The following KIAA1549 variants were observed in gnomAD, a reference collection of about 807,000 sequenced individuals.
KIAA1549 encodes UPF0606 protein KIAA1549.
KIAA1549 carries 70 observed loss-of-function variants against 156.4 expected under a neutral mutation model. That is an observed-to-expected ratio of 0.45 (90% CI 0.37 to 0.55). KIAA1549 has a LOEUF of 0.55. Ranked by LOEUF, KIAA1549 falls within the 20% of genes least tolerant of loss-of-function variation. The probability of loss-of-function intolerance (pLI) is 0.00; values close to 1 mark genes in which losing one functional copy is unlikely to be tolerated. For missense variants in KIAA1549, 2,428 were observed against 2,540.9 expected, an observed-to-expected ratio of 0.96 and a Z score of 0.96; for synonymous variants, 1,103 against 1,066.4, an observed-to-expected ratio of 1.03 and a Z score of -0.67.
chr7:138,951,836 C>G (rs1813508733), intron 1 of KIAA1549, among the ~76,000 whole-genome samples: 1 of 152,206 alleles, frequency 6.6e-6, no homozygotes, highest in Non-Finnish European at 1.5e-5. Flanking sequence ...TTTAAAAGCA[C>G]TTCATAAATG....
intron 10 of KIAA1549, among the ~76,000 whole-genome samples, chr7:138,884,607 TA>T (rs1209711135): frequency 6.6e-6 from 1 of 152,254 alleles, no homozygotes; most frequent in Non-Finnish European, 1.5e-5. Context: ...AAAATCTGGT[TA>T]AATTGTTTTT....
intron 2 of KIAA1549, among the ~76,000 whole-genome samples, chr7:138,914,751 A>C (rs1400552524): frequency 6.6e-6 from 1 of 152,222 alleles, no homozygotes; most frequent in Non-Finnish European, 1.5e-5. Context: ...CTGGACATTT[A>C]CAAAAACTGT....
intron 1 of KIAA1549, among the ~76,000 whole-genome samples, chr7:138,969,679 G>C (rs545102217): frequency 3.3e-5 from 5 of 152,104 alleles, no homozygotes; most frequent in Admixed American, 6.5e-5. Flanking sequence ...TGCAACCTCT[G>C]CTTCCCGGGA....
intron 16 of KIAA1549, among the ~76,000 whole-genome samples, chr7:138,856,789 C>T (rs1236988200): frequency 6.6e-6 from 1 of 152,170 alleles, no homozygotes; most frequent in Non-Finnish European, 1.5e-5. Flanking sequence ...ATCAACCTGA[C>T]TGTGCCACAG....
In KIAA1549 at chr7:138,834,335, G is replaced by C. The variant is rs1809640307; in HGVS notation, c.*3571C>G. 5.3e-6 allele frequency: 1 copy of C among 188,580 alleles called. No individual in the cohort carries two copies. Among genetic ancestry groups the C allele is most frequent in the Non-Finnish European group, 1.1e-5 (1 of 89,600 alleles). The allele number at this position is 188,580 out of a possible 1,614,324, so 11.7% of individuals were successfully genotyped here. ...GCTAGTTTTTGTATTTTTTTGTAGA[G>C]ACGGGGTTTTGCCATGTTGCCTGGG... On this transcript the variant is annotated 3_prime_UTR_variant, in exon 20 of 20. Transcript: ENST00000422774.
intron 17 of KIAA1549, among the ~76,000 whole-genome samples, chr7:138,847,143 AC>A (rs758087055): frequency 6.6e-6 from 1 of 152,160 alleles, no homozygotes; most frequent in Non-Finnish European, 1.5e-5. Flanking sequence ...CCTTTTGCCA[AC>A]ATTTCCATCC....
At position 138,862,279 on chromosome 7, in the gene KIAA1549, C is replaced by T. The variant is rs74996902; in HGVS notation, c.4930-823G>A. Among the ~76,000 whole-genome samples the T allele has an allele frequency of 2.4e-4, 37 of 151,912 alleles. No individual in the cohort carries two copies. In the East Asian group the frequency reaches 6.4e-3, roughly 26 times the overall value. On this transcript the variant is annotated intron_variant, in intron 15 of 19. Coordinates refer to ENST00000422774, the MANE Select transcript of KIAA1549 (RefSeq NM_001164665.2). ...GGAGACCAAGGCAGGAAGATCATTTCCAGAGAGGCCAGGAATTTGAGACTA... is the reference window on the plus strand; with the variant it reads ...GGAGACCAAGGCAGGAAGATCATTTTCAGAGAGGCCAGGAATTTGAGACTA...
intron 12 of KIAA1549, among the ~76,000 whole-genome samples, chr7:138,872,481 GATA>G (rs1221838710): frequency 2.0e-5 from 3 of 151,370 alleles, no homozygotes; most frequent in Non-Finnish European, 4.4e-5. Context: ...TTTTATTTTT[GATA>G]ATGAGGATTT....
intron 10 of KIAA1549, among the ~76,000 whole-genome samples, chr7:138,887,319 T>C: frequency 6.6e-6 from 1 of 152,212 alleles, no homozygotes; most frequent in East Asian, 1.9e-4. Flanking sequence ...CATTAGATGT[T>C]TCTTTAAACA....
At chr7:138,855,219 G>A (rs1330427788) in intron 16 of KIAA1549, among the ~76,000 whole-genome samples, 2 of 152,310 alleles carry the variant, frequency 1.3e-5, no homozygotes, top group East Asian at 1.9e-4. Flanking sequence ...TTTGGAAAAC[G>A]CAAGACAAGC....
At chr7:138,964,708 A>G (rs1009506975) in intron 1 of KIAA1549, among the ~76,000 whole-genome samples, 2 of 152,216 alleles carry the variant, frequency 1.3e-5, no homozygotes, top group Non-Finnish European at 2.9e-5. Context: ...TTGGGCAAAG[A>G]CAATAAAGAC....
rs536450000 is a variant in KIAA1549, at chr7:138,869,780, G to GA, written c.4552-20dup. 3.0e-3 allele frequency: 4,757 copies of GA among 1,590,222 alleles called. 12 individuals carry two copies. Among genetic ancestry groups the GA allele is most frequent in the Non-Finnish European group, 3.7e-3 (4,282 of 1,166,608 alleles). On this transcript the variant is annotated intron_variant, in intron 13 of 19. Transcript: ENST00000422774. ...TCTGAATCTGAGGAAGGGTGAGGGA[G>GA]AGAAAGACAGCCATAGAGGTCCCGG...
chr7:138,882,017 T>C (rs1811259408), intron 10 of KIAA1549, among the ~76,000 whole-genome samples: 1 of 152,196 alleles, frequency 6.6e-6, no homozygotes, highest in Admixed American at 6.5e-5. Context: ...TCACATTGGC[T>C]ATGCTAGATG....
At chr7:138,899,350 C>T (rs961966353) in intron 8 of KIAA1549, among the ~76,000 whole-genome samples, 1 of 152,134 alleles carries the variant, frequency 6.6e-6, no homozygotes, top group Non-Finnish European at 1.5e-5. Context: ...GTTGCTTCAT[C>T]TCGCTCTACA....
At chr7:138,903,852 T>TGCGCGC (rs1169332653) in intron 7 of KIAA1549, 116 bp from the exon 8 acceptor site, 24 of 287,516 alleles carry the variant, frequency 8.3e-5, no homozygotes, top group Middle Eastern at 7.2e-4. Context: ...TGTGTGTGTG[T>TGCGCGC]GCGCGCGCGC....
Position 138,960,836 on chromosome 7 carries a change from C to A in KIAA1549, c.187+20247G>T, listed in dbSNP as rs1476020675. 3.3e-5 allele frequency among the ~76,000 whole-genome samples: 5 copies of A among 152,262 alleles called. No homozygotes were observed. The Middle Eastern group carries it at 0.01, about 311-fold the overall frequency. On this transcript the variant is annotated intron_variant, in intron 1 of 19. Transcript: ENST00000422774. ...TAGAAACACAAGCGGTGGTGTCTTC[C>A]GGATTTTCCAAAGAGATCAAACTAT...
chr7:138,926,001 G>A (rs1040214768), intron 1 of KIAA1549, among the ~76,000 whole-genome samples: 4 of 152,168 alleles, frequency 2.6e-5, no homozygotes, highest in Non-Finnish European at 5.9e-5. Flanking sequence ...CACAGACGCT[G>A]GGAAAATACC....
intron 1 of KIAA1549, among the ~76,000 whole-genome samples, chr7:138,961,988 T>C (rs1813867650): frequency 6.6e-6 from 1 of 151,720 alleles, no homozygotes; most frequent in African/African-American, 2.4e-5. Flanking sequence ...TAGCCATCAC[T>C]CCCCCTTCCC....
At chr7:138,970,910 G>C (rs1291871080) in intron 1 of KIAA1549, among the ~76,000 whole-genome samples, 1 of 151,998 alleles carries the variant, frequency 6.6e-6, no homozygotes, top group Non-Finnish European at 1.5e-5. Flanking sequence ...ACCCAACACA[G>C]TAAGTGATGA....
Sources: allele counts gnomAD v4.1 joint callset (sites outside exome capture counted in the v4.1 genomes callset), GRCh38; gene constraint gnomAD v4.1.1; transcripts MANE v1.5; gene names NCBI Gene and HGNC (gene_info 2026-07-23, HGNC 2026-07-21).